TBC1D26: variants seen among roughly 807,000 people sequenced by gnomAD.
TBC1D26 encodes the protein TBC1 domain family member 26, also known as TBC1 domain family, member 26.
A neutral mutation model predicts 42.5 loss-of-function variants in TBC1D26; 19 were observed. The observed-to-expected ratio is 0.45, with a 90% CI of 0.31 to 0.66. The LOEUF is 0.66. TBC1D26 is among the 30% of genes least tolerant of loss of function. The pLI is 0.06. For synonymous variants in TBC1D26, 97 were observed against 123.5 expected, an observed-to-expected ratio of 0.79 and a Z score of 1.42; for missense variants, 228 against 332.6, an observed-to-expected ratio of 0.69 and a Z score of 2.45.
intron 8 of TBC1D26, among the ~76,000 whole-genome samples, chr17:15,739,407 G>A (rs1285786082): frequency 1.3e-5 from 2 of 152,296 alleles, no homozygotes; most frequent in African/African-American, 4.8e-5. Flanking sequence ...CCGCTTGATT[G>A]ATTGTAACTC....
intron 6 of TBC1D26, 44 bp downstream of exon 6, chr17:15,738,121 G>A (rs1239613969): frequency 6.2e-7 from 1 of 1,613,952 alleles, no homozygotes; most frequent in East Asian, 2.2e-5. Flanking sequence ...TCTCTGCAGA[G>A]CCAGGAGACA....
chr17:15,739,656 G>A (rs1967718478), intron 8 of TBC1D26, among the ~76,000 whole-genome samples: 1 of 152,418 alleles, frequency 6.6e-6, no homozygotes, highest in South Asian at 2.1e-4. Flanking sequence ...ACAGAGAACA[G>A]ATCAGGATGG....
intron 6 of TBC1D26, 46 bp downstream of exon 6, chr17:15,738,123 C>T (rs1404894653): frequency 1.2e-6 from 2 of 1,613,752 alleles, no homozygotes; most frequent in Admixed American, 1.7e-5. Context: ...TCTGCAGAGC[C>T]AGGAGACAGG....
intron 12 of TBC1D26, among the ~76,000 whole-genome samples, 186 bp downstream of exon 12, chr17:15,742,665 C>T (rs775678765): frequency 2.4e-4 from 36 of 152,220 alleles, no homozygotes; most frequent in South Asian, 6.2e-4. Flanking sequence ...GGGCAGGACC[C>T]GACTTGCGAG....
intron 8 of TBC1D26, among the ~76,000 whole-genome samples, chr17:15,739,526 C>T (rs1430411405): frequency 6.6e-6 from 1 of 152,252 alleles, no homozygotes; most frequent in Non-Finnish European, 1.5e-5. Flanking sequence ...ACCCCCAATG[C>T]CCGCAGGAAC....
chr17:15,736,549 A>G (rs1273772323), intron 4 of TBC1D26: 1 of 151,404 alleles, frequency 6.6e-6, no homozygotes, highest in African/African-American at 2.4e-5. Context: ...CTCAATCAAC[A>G]CTGCGCAGGG....
chr17:15,739,572 G>A (rs1304259531), intron 8 of TBC1D26, among the ~76,000 whole-genome samples: 4 of 152,284 alleles, frequency 2.6e-5, no homozygotes, highest in African/African-American at 9.6e-5. Flanking sequence ...CTGAGGGAAT[G>A]ACGCCAGACC....
intron 10 of TBC1D26, 196 bp downstream of exon 10, chr17:15,741,417 C>A (rs1256867186): frequency 6.5e-6 from 6 of 920,600 alleles, no homozygotes; most frequent in Non-Finnish European, 9.5e-6. Context: ...AACCCCCTCA[C>A]CTCAAGTCAG....
In TBC1D26 at chr17:15,735,360, T is replaced by C. The variant is rs780875595; in HGVS notation, c.12T>C (p.Asp4=). Residue 4 remains aspartate, a synonymous_variant, in exon 3 of 15, where the codon GAT becomes GAC. Transcript: ENST00000437605. The stretch of plus-strand genomic sequence containing the variant: ...CTTTGTCTTGCAGGATGGAGATGGA[T>C]GGGGACCCGTATAACCTGCCTGCCC... The part of the protein sequence containing the change: MEM[D]GDPYNLPAQG... 11 of 1,613,758 alleles carry C rather than the reference T, an allele frequency of 6.8e-6. No individual in the cohort carries two copies. In the Admixed American group the frequency reaches 1.2e-4, roughly 17 times the overall value.
intron 7 of TBC1D26, 109 bp downstream of exon 7, chr17:15,738,496 G>C: frequency 7.1e-7 from 1 of 1,400,790 alleles, no homozygotes; most frequent in South Asian, 1.3e-5. Context: ...TGGGGGCTGT[G>C]GTCAGACGCA....
In TBC1D26 at chr17:15,741,924, G is replaced by A; in HGVS notation, c.647-18G>A. On this transcript the variant is annotated intron_variant, in intron 10 of 14. Coordinates refer to ENST00000437605, the MANE Select transcript of TBC1D26 (RefSeq NM_001388465.1). ...TGGGCGTGGGGTCTGATGGGGTGAT[G>A]GGTCGCGGGCTTCTCAGTATTCTAC... 6.2e-7 allele frequency: 1 copy of A among 1,612,876 alleles called. No individual in the cohort carries two copies.
At chr17:15,737,268 A>C (rs549719301) in intron 4 of TBC1D26, among the ~76,000 whole-genome samples, 1 of 152,228 alleles carries the variant, frequency 6.6e-6, no homozygotes, top group African/African-American at 2.4e-5. Flanking sequence ...TGTCCCCCCC[A>C]CCCAGGGCCA....
chr17:15,734,378 C>A (rs1307160049), intron 1 of TBC1D26, among the ~76,000 whole-genome samples: 1 of 152,134 alleles, frequency 6.6e-6, no homozygotes, highest in Non-Finnish European at 1.5e-5. Context: ...CCAACTCAGA[C>A]CTAAAGTGCG....
intron 3 of TBC1D26, 31 bp downstream of exon 3, chr17:15,735,454 C>G: frequency 6.3e-7 from 1 of 1,598,122 alleles, no homozygotes; most frequent in Non-Finnish European, 8.5e-7. Flanking sequence ...TCAAGGGAAG[C>G]AGGGCCTCGC....
chr17:15,738,203 C>A, intron 6 of TBC1D26, 77 bp from the exon 7 acceptor site: 1 of 1,605,764 alleles, frequency 6.2e-7, no homozygotes. Flanking sequence ...TGCCATAGGA[C>A]TGCAGGCCTG....
intron 10 of TBC1D26, chr17:15,741,431 G>A: frequency 1.3e-6 from 1 of 776,442 alleles, no homozygotes; most frequent in Non-Finnish European, 2.0e-6. Flanking sequence ...AAGTCAGACG[G>A]CTTTCATCCC....
Position 15,744,566 on chromosome 17 carries a change from C to T in TBC1D26, c.1381C>T (p.Leu461=), listed in dbSNP as rs1967868687. 1 of 152,350 alleles carries T rather than the reference C, an allele frequency of 6.6e-6. No individual in the cohort carries two copies. The highest frequency in any genetic ancestry group is 1.9e-4 in the East Asian group (1 of 5,178). The allele number at this position is 152,350 out of a possible 1,614,324, so 9.4% of individuals were successfully genotyped here. A position where few individuals can be genotyped will look rare whatever the true frequency, so the allele number is the denominator to read the frequency against. ...CCCCATGCAGGCCGGTGTGCCCTGG[C>T]TGCTCTTGACACCCTCTGGCTCCTG... The part of the protein sequence containing the change: ...DAPMQAGVPW[L]LLTPSGS Residue 461 remains leucine (L), a synonymous_variant, in exon 15 of 15, where the codon CTG becomes TTG. Coordinates refer to ENST00000437605, the MANE Select transcript of TBC1D26 (RefSeq NM_001388465.1).
chr17:15,741,466 C>T, intron 10 of TBC1D26: 2 of 607,570 alleles, frequency 3.3e-6, no homozygotes, highest in Non-Finnish European at 5.6e-6. Context: ...ATGGATACCT[C>T]CCCCTGGCTG....
chr17:15,736,144 C>T (rs1441824890), intron 4 of TBC1D26, among the ~76,000 whole-genome samples: 1 of 152,142 alleles, frequency 6.6e-6, no homozygotes, highest in Non-Finnish European at 1.5e-5. Flanking sequence ...GGGCCTTGGC[C>T]CTGGCCCTGG....
Sources: gnomAD v4.1 joint callset for allele counts (sites outside exome capture counted in the v4.1 genomes callset) on GRCh38, gnomAD v4.1.1 for gene constraint, MANE v1.5 for transcripts, NCBI Gene and HGNC (gene_info 2026-07-23, HGNC 2026-07-21) for gene names.